The following PKP4 variants were observed in gnomAD, a reference collection of about 807,000 sequenced individuals.
PKP4 encodes plakophilin-4.
Under a neutral mutation model 145.1 loss-of-function variants are expected in PKP4, and 90 were observed. That is an observed-to-expected ratio of 0.62 (90% confidence interval 0.52 to 0.74). The LOEUF is 0.74. PKP4 is among the 30% of genes least tolerant of loss of function. The pLI is 0.00. For synonymous variants in PKP4, 563 were observed against 577.2 expected, an observed-to-expected ratio of 0.98 and a Z score of 0.35; for missense variants, 1,340 against 1,482.7, an observed-to-expected ratio of 0.90 and a Z score of 1.58.
At chr2:158,475,104 TTG>T (rs1692246133) in intron 1 of PKP4, among the ~76,000 whole-genome samples, 1 of 152,118 alleles carries the variant, frequency 6.6e-6, no homozygotes, top group African/African-American at 2.4e-5. Context: ...AGCGATTGTG[TTG>T]TGTTTTTTGT....
intron 21 of PKP4, 145 bp downstream of exon 21, chr2:158,678,799 C>T (rs575418806): frequency 5.1e-5 from 35 of 679,634 alleles, no homozygotes; most frequent in African/African-American, 5.0e-4. Context: ...GGAAACTCAA[C>T]GTGTGGTTTA....
chr2:158,577,885 G>A (rs995983044), intron 3 of PKP4, among the ~76,000 whole-genome samples: 2 of 152,088 alleles, frequency 1.3e-5, no homozygotes, highest in African/African-American at 4.8e-5. Context: ...CTAAATGAGT[G>A]CATTACTGTA....
chr2:158,566,826 G>A (rs3771612), intron 2 of PKP4, among the ~76,000 whole-genome samples: 125,888 of 152,022 alleles, frequency 0.83, 53,406 homozygotes, highest in East Asian at 0.97. Context: ...ATTTATATCT[G>A]CAAACACACA....
At chr2:158,559,976 C>T (rs1004279197) in intron 2 of PKP4, among the ~76,000 whole-genome samples, 2 of 151,980 alleles carry the variant, frequency 1.3e-5, no homozygotes, top group Non-Finnish European at 2.9e-5. Context: ...AAGTGATTCT[C>T]CTGCCTCAGC....
intron 1 of PKP4, among the ~76,000 whole-genome samples, chr2:158,468,986 C>G (rs1691126234): frequency 6.6e-6 from 1 of 151,902 alleles, no homozygotes; most frequent in Non-Finnish European, 1.5e-5. Context: ...GCCATGTTGC[C>G]TAGACTGGTC....
At chr2:158,618,992 C>A (rs1420273774) in intron 4 of PKP4, among the ~76,000 whole-genome samples, 1 of 152,140 alleles carries the variant, frequency 6.6e-6, no homozygotes, top group Non-Finnish European at 1.5e-5. Flanking sequence ...CTTGAGGCTA[C>A]CACAGTGGTA....
intron 2 of PKP4, among the ~76,000 whole-genome samples, chr2:158,573,923 C>T (rs76586711): frequency 0.027 from 4,096 of 152,304 alleles, 151 homozygotes; most frequent in East Asian, 0.14. Flanking sequence ...TGTCTGCAGC[C>T]GAGACACCCC....
intron 2 of PKP4, among the ~76,000 whole-genome samples, chr2:158,553,647 C>A (rs990880885): frequency 2.0e-5 from 3 of 152,156 alleles, no homozygotes; most frequent in East Asian, 1.9e-4. Context: ...AGACTTTAAA[C>A]CTTGTCCCGC....
chr2:158,553,704 T>TC (rs1377259975), intron 2 of PKP4, among the ~76,000 whole-genome samples: 3 of 151,538 alleles, frequency 2.0e-5, no homozygotes, highest in African/African-American at 7.3e-5. Context: ...ATTCTTTACA[T>TC]TTTTTTTTCC....
chr2:158,575,987 G>A (rs964167766), intron 2 of PKP4, among the ~76,000 whole-genome samples: 27 of 152,254 alleles, frequency 1.8e-4, no homozygotes, highest in Admixed American at 3.9e-4. Flanking sequence ...CCCACTTACC[G>A]ATTATGATCA....
intron 11 of PKP4, among the ~76,000 whole-genome samples, chr2:158,651,955 G>A (rs2105953951): frequency 6.6e-6 from 1 of 152,218 alleles, no homozygotes; most frequent in East Asian, 1.9e-4. Flanking sequence ...TTTGTGGTAA[G>A]GCCCCCCTGA....
intron 2 of PKP4, among the ~76,000 whole-genome samples, chr2:158,563,530 C>G (rs946057422): frequency 1.3e-5 from 2 of 152,070 alleles, no homozygotes; most frequent in Non-Finnish European, 2.9e-5. Flanking sequence ...TTACTTCAAT[C>G]CTTTCTAGCA....
chr2:158,597,550 C>A (rs932747669), intron 3 of PKP4, among the ~76,000 whole-genome samples: 1 of 152,176 alleles, frequency 6.6e-6, no homozygotes, highest in South Asian at 2.1e-4. Context: ...AGGTGACCAA[C>A]TCTCCTCAAG....
intron 3 of PKP4, among the ~76,000 whole-genome samples, chr2:158,598,766 C>CA (rs1293575684): frequency 6.6e-6 from 1 of 151,210 alleles, no homozygotes; most frequent in Non-Finnish European, 1.5e-5. Flanking sequence ...GACTCCAACT[C>CA]AAAAAAAATA....
At position 158,595,229 on chromosome 2, in the gene PKP4, A is replaced by G. The variant is rs545117746; in HGVS notation, c.246-7841A>G. Reference sequence around the variant, plus strand: ...TAACAGTTACCTATTAGTAAGTGGTATGAATTTTCAGAACATCAGAAGACA... The same window carrying G: ...TAACAGTTACCTATTAGTAAGTGGTGTGAATTTTCAGAACATCAGAAGACA... On this transcript the variant is annotated intron_variant, in intron 3 of 21. Coordinates refer to ENST00000389759, the MANE Select transcript of PKP4 (RefSeq NM_003628.6). Among the ~76,000 whole-genome samples the G allele has an allele frequency of 1.5e-4, 23 of 152,348 alleles. 1 individual carries two copies. Among genetic ancestry groups the G allele is most frequent in the Admixed American group, 1.1e-3 (17 of 15,308 alleles).
intron 3 of PKP4, among the ~76,000 whole-genome samples, chr2:158,592,943 T>C (rs2049400723): frequency 6.6e-6 from 1 of 152,216 alleles, no homozygotes; most frequent in Non-Finnish European, 1.5e-5. Context: ...ATGTTAATGC[T>C]GTGCCCAGTC....
At chr2:158,628,869 T>A (rs564755283) in intron 7 of PKP4, among the ~76,000 whole-genome samples, 1 of 152,312 alleles carries the variant, frequency 6.6e-6, no homozygotes, top group East Asian at 1.9e-4. Context: ...GCATCCAGTC[T>A]TCGGCTTGGC....
intron 1 of PKP4, among the ~76,000 whole-genome samples, chr2:158,504,141 C>T (rs147595882): frequency 1.3e-5 from 2 of 152,240 alleles, no homozygotes; most frequent in African/African-American, 2.4e-5. Flanking sequence ...TTAGTGCTGA[C>T]AATGTGACTT....
At position 158,673,797 on chromosome 2, in the gene PKP4, T is replaced by G. The variant is rs770677112; in HGVS notation, c.3009+36T>G. On this transcript the variant is annotated intron_variant, in intron 18 of 21. Coordinates refer to ENST00000389759, the MANE Select transcript of PKP4 (RefSeq NM_003628.6). ...AGAATAGCTCTGGCATAATTAGCAT[T>G]CATCAGAGCACACACTCATAATCAT... 33 of 1,476,762 alleles carry G rather than the reference T, an allele frequency of 2.2e-5. 1 individual carries two copies. In the South Asian group the frequency reaches 3.7e-4, roughly 17 times the overall value. 91.5% of individuals were successfully genotyped at this position (1,476,762 alleles called of 1,614,324 possible). A position where few individuals can be genotyped will look rare whatever the true frequency, so the allele number is the denominator to read the frequency against.
Sources: gnomAD v4.1 joint callset for allele counts (sites outside exome capture counted in the v4.1 genomes callset) on GRCh38, gnomAD v4.1.1 for gene constraint, MANE v1.5 for transcripts, NCBI Gene and HGNC (gene_info 2026-07-23, HGNC 2026-07-21) for gene names.